Variants in KIF26B observed in about 807,000 individuals in gnomAD.
KIF26B encodes kinesin-like protein KIF26B.
In KIF26B, 63 loss-of-function variants were observed where a neutral mutation model predicts 151.2. The observed-to-expected ratio is 0.42, with a 90% CI of 0.34 to 0.51. The LOEUF (loss-of-function observed/expected upper bound fraction) is 0.51. Ranked by LOEUF, KIF26B falls within the 20% of genes least tolerant of loss-of-function variation. The pLI is 0.07. For missense variants in KIF26B, 2,813 were observed against 2,913.6 expected (o/e 0.97, Z 0.79); for synonymous variants, 1,357 against 1,262.1 (o/e 1.08, Z -1.59).
intron 4 of KIF26B, among the ~76,000 whole-genome samples, chr1:245,449,363 G>A (rs541961590): frequency 1.3e-5 from 2 of 152,164 alleles, no homozygotes; most frequent in African/African-American, 4.8e-5. Context: ...CAAAGGAAAT[G>A]CATTTTCCCA....
chr1:245,464,570 T>C (rs903761137), intron 4 of KIF26B, among the ~76,000 whole-genome samples: 2 of 144,212 alleles, frequency 1.4e-5, no homozygotes, highest in African/African-American at 5.2e-5. Context: ...TGTGGGTGTG[T>C]GGGTGTGTGT....
In KIF26B at chr1:245,351,269, G is replaced by A. The variant is rs150787569; in HGVS notation, c.466-15565G>A. Among the ~76,000 whole-genome samples, 1,258 of 152,296 alleles carry A rather than the reference G, an allele frequency of 8.3e-3. 17 individuals carry two copies. The highest frequency in any genetic ancestry group is 0.024 in the South Asian group (118 of 4,822). ...ACCTGGGTGGGCCCTTTTTGGTCCT[G>A]TTTTTCTGTCATCGCTGTTGATACG... is the stretch of plus-strand genomic sequence containing the variant. On this transcript the variant is annotated intron_variant, in intron 2 of 14. Coordinates refer to ENST00000407071, the MANE Select transcript of KIF26B (RefSeq NM_018012.4).
At chr1:245,462,421 G>A (rs537220310) in intron 4 of KIF26B, among the ~76,000 whole-genome samples, 3 of 152,298 alleles carry the variant, frequency 2.0e-5, no homozygotes, top group South Asian at 4.2e-4. Flanking sequence ...GTTTTGCAGT[G>A]ACTTCCTAGC....
At chr1:245,247,386 C>T (rs1642760765) in intron 2 of KIF26B, among the ~76,000 whole-genome samples, 2 of 151,724 alleles carry the variant, frequency 1.3e-5, no homozygotes, top group Non-Finnish European at 2.9e-5. Flanking sequence ...TGAACCTGGG[C>T]AGGGAAGGTG....
intron 2 of KIF26B, among the ~76,000 whole-genome samples, chr1:245,236,142 C>T (rs1012845982): frequency 2.6e-5 from 4 of 152,120 alleles, no homozygotes; most frequent in Non-Finnish European, 5.9e-5. Flanking sequence ...GCTGGTCAGG[C>T]TGGTCTCGAA....
intron 2 of KIF26B, among the ~76,000 whole-genome samples, chr1:245,240,565 T>G (rs1670197449): frequency 6.6e-6 from 1 of 152,204 alleles, no homozygotes; most frequent in Non-Finnish European, 1.5e-5. Context: ...CTCGTGAGAT[T>G]ATATTTAATC....
chr1:245,650,611 G>A lies in KIF26B; in HGVS notation c.2258+4331G>A, dbSNP rs12094792. Among the ~76,000 whole-genome samples, 302 of 152,358 alleles carry A rather than the reference G, an allele frequency of 2.0e-3. 1 individual carries two copies. The highest frequency in any genetic ancestry group is 6.8e-3 in the African/African-American group (283 of 41,586). ...GAAAGCACACACCTGTCATGCAGGC[G>A]TCCTTCAAGCCCTGAAGCATTTACC... On this transcript the variant is annotated intron_variant, in intron 10 of 14. Transcript: ENST00000407071.
chr1:245,473,612 AG>A (rs1335831003), intron 4 of KIF26B, among the ~76,000 whole-genome samples: 1 of 151,884 alleles, frequency 6.6e-6, no homozygotes, highest in Admixed American at 6.6e-5. Context: ...AGCAAGCAAA[AG>A]AACCACTCAG....
At chr1:245,317,191 A>C (rs1439804224) in intron 2 of KIF26B, among the ~76,000 whole-genome samples, 2 of 152,246 alleles carry the variant, frequency 1.3e-5, no homozygotes, top group African/African-American at 4.8e-5. Flanking sequence ...GCTAGAATTT[A>C]GTTCTCTTCC....
At chr1:245,611,735 T>G in intron 8 of KIF26B, 58 bp from the exon 9 acceptor site, 7 of 1,550,098 alleles carry the variant, frequency 4.5e-6, no homozygotes, top group Non-Finnish European at 6.1e-6. Context: ...CACCCAGGCA[T>G]GAGTGACAGC....
intron 2 of KIF26B, among the ~76,000 whole-genome samples, chr1:245,189,996 G>T (rs550933773): frequency 9.9e-5 from 15 of 152,212 alleles, no homozygotes; most frequent in African/African-American, 3.1e-4. Context: ...AGTATGGGGG[G>T]AAACCACCCC....
Position 245,218,546 on chromosome 1 carries a change from A to G in KIF26B, c.465+61863A>G, listed in dbSNP as rs753704969. On this transcript the variant is annotated intron_variant, in intron 2 of 14. Transcript: ENST00000407071. This position sits in a 1 kb window ranked among gnomAD's most constrained non-coding sequence, Gnocchi z 4.1. Reference sequence around the variant, plus strand: ...AATCCGCCGGGAGATCTGAATATCAACTCTCTATGGAAGAACAAGAACCGA... The same window carrying G: ...AATCCGCCGGGAGATCTGAATATCAGCTCTCTATGGAAGAACAAGAACCGA... 2.0e-5 allele frequency among the ~76,000 whole-genome samples: 3 copies of G among 151,970 alleles called. No homozygotes were observed. Among genetic ancestry groups the G allele is most frequent in the African/African-American group, 4.8e-5 (2 of 41,344 alleles).
rs1001357996 is a variant in KIF26B, at chr1:245,682,193, C to T, written c.2259-2040C>T. 5.3e-5 allele frequency among the ~76,000 whole-genome samples: 8 copies of T among 152,002 alleles called. No homozygotes were observed. The South Asian group carries it at 6.2e-4, about 12-fold the overall frequency. The stretch of plus-strand genomic sequence containing the variant: ...CTGGGAGGCGGAGATTGCAGTGAGC[C>T]GAGATCGTGCCGTTGCACTCCAGCC... On this transcript the variant is annotated intron_variant, in intron 10 of 14. Transcript: ENST00000407071.
chr1:245,582,417 C>G (rs896293866), intron 5 of KIF26B, among the ~76,000 whole-genome samples: 3 of 151,884 alleles, frequency 2.0e-5, no homozygotes, highest in African/African-American at 7.3e-5. Flanking sequence ...GGCCGTTAAT[C>G]TAAGTTTTAA....
At chr1:245,295,189 G>A (rs778435308) in intron 2 of KIF26B, among the ~76,000 whole-genome samples, 3 of 152,178 alleles carry the variant, frequency 2.0e-5, no homozygotes, top group South Asian at 4.1e-4. Context: ...TCAAACATTC[G>A]ATATAACTTT....
intron 4 of KIF26B, among the ~76,000 whole-genome samples, chr1:245,513,477 G>C (rs1660882540): frequency 6.6e-6 from 1 of 152,198 alleles, no homozygotes; most frequent in Non-Finnish European, 1.5e-5. Context: ...GAAGCACCTA[G>C]CAGGTCAAAA....
intron 4 of KIF26B, among the ~76,000 whole-genome samples, chr1:245,532,381 G>A (rs565750579): frequency 4.2e-4 from 64 of 151,680 alleles, no homozygotes; most frequent in Non-Finnish European, 6.3e-4. Context: ...GAGTAGCTGG[G>A]ACTACAGGCG....
rs772474950 is a variant in KIF26B, at chr1:245,688,795, C to G, written c.5812C>G (p.Arg1938Gly). 1 of 1,579,362 alleles carries G rather than the reference C, an allele frequency of 6.3e-7. No homozygotes were observed. The highest frequency in any genetic ancestry group is 8.6e-7 in the Non-Finnish European group (1 of 1,159,526). The change falls in exon 12 of 15, where the codon CGC becomes GGC. Residue 1938 changes from arginine (R) to glycine (G), a missense_variant. Physicochemically the swap from Arg to Gly is moderately radical, Grantham distance 125 (BLOSUM62 -2). This residue lies in a region of KIF26B where 2,060 missense variants were observed against 2,088.6 expected (regional missense o/e 0.99). Transcript: ENST00000407071. ...CCGGAGCCTCAAGACCCCGAAGAAA[C>G]GCTCCAATCCAGGTAGGCGGCTGGG... is the stretch of plus-strand genomic sequence containing the variant. The part of the protein sequence containing the change: ...RCRSLKTPKK[R>G]SNPGSQRRRL...
rs536467403 is a variant in KIF26B, at chr1:245,638,976, AG to A, written c.2099-7142del. 5.1e-3 allele frequency among the ~76,000 whole-genome samples: 771 copies of A among 151,992 alleles called. 11 individuals carry two copies. Among genetic ancestry groups the A allele is most frequent in the African/African-American group, 0.018 (729 of 41,546 alleles). Reference sequence around the variant, plus strand: ...TATCTTTGGCTTTGGAAATAAGGTCAGGGTGGCCTTGTAGAATGAGTTTGGA... The same window carrying A: ...TATCTTTGGCTTTGGAAATAAGGTCAGGTGGCCTTGTAGAATGAGTTTGGA... On this transcript the variant is annotated intron_variant, in intron 9 of 14. Coordinates refer to ENST00000407071, the MANE Select transcript of KIF26B (RefSeq NM_018012.4).
Sources: allele counts gnomAD v4.1 joint callset (sites outside exome capture counted in the v4.1 genomes callset), GRCh38; gene constraint gnomAD v4.1.1; regional missense constraint gnomAD v4.1.1; non-coding constraint Gnocchi (gnomAD v3.1); transcripts MANE v1.5; gene names NCBI Gene and HGNC (gene_info 2026-07-23, HGNC 2026-07-21).